The following MAGI2 variants were observed in gnomAD, a reference collection of about 807,000 sequenced individuals.
MAGI2 encodes membrane-associated guanylate kinase, WW and PDZ domain-containing protein 2.
A neutral mutation model predicts 133.3 loss-of-function variants in MAGI2; 35 were observed. That is an observed-to-expected ratio of 0.26 (90% CI 0.20 to 0.35). The LOEUF (loss-of-function observed/expected upper bound fraction) is 0.35, where lower values mean the gene tolerates loss of function less well. Ranked by LOEUF, MAGI2 falls within the 10% of genes least tolerant of loss-of-function variation. The pLI, the probability that MAGI2 is intolerant of heterozygous loss-of-function variation, is 1.00. For missense variants in MAGI2, 1,636 were observed against 1,863.4 expected (o/e 0.88, Z 2.25); for synonymous variants, 729 against 710.6 (o/e 1.03, Z -0.41).
In MAGI2 at chr7:78,794,430, A is replaced by G. The variant is rs192694361; in HGVS notation, c.419-167191T>C. ...GACTTGTGTGGTTATAAAATTGTCA[A>G]TGGAAATTTTTGAGACAGATAACAT... is the stretch of plus-strand genomic sequence containing the variant. On this transcript the variant is annotated intron_variant, in intron 2 of 21. Coordinates refer to ENST00000354212, the MANE Select transcript of MAGI2 (RefSeq NM_012301.4). Among the ~76,000 whole-genome samples the G allele has an allele frequency of 9.2e-5, 14 of 152,340 alleles. No individual in the cohort carries two copies. The East Asian group carries it at 1.2e-3, about 13-fold the overall frequency.
At chr7:78,145,530 A>G (rs1823216819) in intron 16 of MAGI2, among the ~76,000 whole-genome samples, 1 of 152,070 alleles carries the variant, frequency 6.6e-6, no homozygotes, top group Non-Finnish European at 1.5e-5. Flanking sequence ...TGCTTCTCCT[A>G]TAGGTCATAA....
intron 2 of MAGI2, among the ~76,000 whole-genome samples, chr7:78,736,143 A>G (rs1290554305): frequency 6.6e-6 from 1 of 152,244 alleles, no homozygotes; most frequent in Non-Finnish European, 1.5e-5. Context: ...TATCAAATGT[A>G]CCAATACCTG....
chr7:78,494,111 G>A (rs1793877560), intron 5 of MAGI2, among the ~76,000 whole-genome samples: 1 of 151,872 alleles, frequency 6.6e-6, no homozygotes, highest in African/African-American at 2.4e-5. Context: ...CAAGTAGCTG[G>A]GACTAGACTA....
chr7:78,343,836 C>A lies in MAGI2; in HGVS notation c.1350G>T (p.Leu450=). Residue 450 remains leucine (L), a synonymous_variant, in exon 9 of 22, where the codon CTG becomes CTT. Transcript: ENST00000354212. ...CATCCGGAATCACACTTTTCACCTG[C>A]AGAAACTCATCAGGCTCGTCTCCAC... is the stretch of plus-strand genomic sequence containing the variant. ...IIGGDEPDEF[L]QVKSVIPDGP... is the part of the protein sequence containing the mutation. 1 of 1,612,642 alleles carries A rather than the reference C, an allele frequency of 6.2e-7. No individual in the cohort carries two copies. The highest frequency in any genetic ancestry group is 8.5e-7 in the Non-Finnish European group (1 of 1,179,456).
chr7:78,718,918 C>T (rs562503811), intron 2 of MAGI2, among the ~76,000 whole-genome samples: 70 of 152,192 alleles, frequency 4.6e-4, no homozygotes, highest in African/African-American at 1.6e-3. Flanking sequence ...GTCTGGTAAA[C>T]CCAACCTTTG....
At chr7:78,575,344 TTGAA>T (rs1173764167) in intron 3 of MAGI2, among the ~76,000 whole-genome samples, 2 of 152,128 alleles carry the variant, frequency 1.3e-5, no homozygotes, top group Non-Finnish European at 2.9e-5. Context: ...TAATGATTGA[TTGAA>T]TGAATAAATG....
chr7:78,478,023 A>G (rs1157666049), intron 6 of MAGI2, among the ~76,000 whole-genome samples: 1 of 151,794 alleles, frequency 6.6e-6, no homozygotes, highest in South Asian at 2.1e-4. Flanking sequence ...TGCTGCACCC[A>G]TTAACCCATC....
chr7:78,665,665 A>G (rs1813479671), intron 2 of MAGI2, among the ~76,000 whole-genome samples: 1 of 152,208 alleles, frequency 6.6e-6, no homozygotes, highest in African/African-American at 2.4e-5. Flanking sequence ...TGAGAATTAG[A>G]GTAGCCTTAG....
intron 1 of MAGI2, among the ~76,000 whole-genome samples, chr7:79,213,900 C>T (rs1407251196): frequency 6.6e-6 from 1 of 151,938 alleles, no homozygotes; most frequent in Admixed American, 6.6e-5. Flanking sequence ...TATTTAGCTT[C>T]TTCTAGAACA....
chr7:78,237,947 G>A (rs1242011756), intron 10 of MAGI2, among the ~76,000 whole-genome samples: 1 of 152,066 alleles, frequency 6.6e-6, no homozygotes, highest in Admixed American at 6.6e-5. Flanking sequence ...GAGTGGTCAC[G>A]TTAGCTCAAA....
At chr7:78,800,174 G>A (rs1787946196) in intron 2 of MAGI2, among the ~76,000 whole-genome samples, 1 of 152,020 alleles carries the variant, frequency 6.6e-6, no homozygotes, top group Non-Finnish European at 1.5e-5. Context: ...AGTAATACCA[G>A]GGTTATATAA....
intron 2 of MAGI2, among the ~76,000 whole-genome samples, chr7:78,757,722 C>A (rs1824094603): frequency 6.6e-6 from 1 of 152,104 alleles, no homozygotes; most frequent in African/African-American, 2.4e-5. Context: ...TCTGGTGTGA[C>A]TTCTTGGTCT....
chr7:78,685,259 T>C (rs1816151878), intron 2 of MAGI2, among the ~76,000 whole-genome samples: 1 of 152,332 alleles, frequency 6.6e-6, no homozygotes, highest in African/African-American at 2.4e-5. Flanking sequence ...CCCCAAGAGC[T>C]GTCCTTTTTG....
intron 1 of MAGI2, among the ~76,000 whole-genome samples, chr7:79,143,338 TA>T (rs1167020011): frequency 1.3e-5 from 2 of 152,208 alleles, no homozygotes; most frequent in African/African-American, 4.8e-5. Context: ...AACTTGGCAA[TA>T]CTCTGTTTCA....
chr7:78,868,879 G>C (rs1232017029), intron 2 of MAGI2, among the ~76,000 whole-genome samples: 1 of 152,014 alleles, frequency 6.6e-6, no homozygotes, highest in East Asian at 1.9e-4. Context: ...ACAGCCTCCA[G>C]AGTAGCTAGG....
chr7:79,277,377 T>C (rs899375845), intron 1 of MAGI2, among the ~76,000 whole-genome samples: 8 of 152,174 alleles, frequency 5.3e-5, no homozygotes, highest in Admixed American at 1.3e-4. Flanking sequence ...TAGTAGACTA[T>C]AGTACAATGT....
chr7:78,144,057 A>T (rs1018762128), intron 16 of MAGI2, among the ~76,000 whole-genome samples: 2 of 152,006 alleles, frequency 1.3e-5, no homozygotes, highest in African/African-American at 4.8e-5. Context: ...TAGCAAGCTA[A>T]TTGTTTTCCT....
rs562796231 is a variant in MAGI2 at position 78,623,980 on chromosome 7, C to T, written c.538+3140G>A. ...TATCAATTGTATAAAAGTACAGCAA[C>T]CTCACTAGCATCTGTTGTTTTTTGA... On this transcript the variant is annotated intron_variant, in intron 3 of 21. Coordinates refer to ENST00000354212, the MANE Select transcript of MAGI2 (RefSeq NM_012301.4). Among the ~76,000 whole-genome samples, 216 of 152,174 alleles carry T rather than the reference C, an allele frequency of 1.4e-3. 1 individual carries two copies. Among genetic ancestry groups the T allele is most frequent in the Non-Finnish European group, 2.1e-3 (146 of 67,964 alleles).
intron 5 of MAGI2, among the ~76,000 whole-genome samples, chr7:78,495,625 A>G (rs1295889241): frequency 3.3e-5 from 5 of 152,184 alleles, no homozygotes; most frequent in Non-Finnish European, 7.3e-5. Flanking sequence ...TTCTATCTAT[A>G]CATAGGTAAT....
Sources: allele counts gnomAD v4.1 joint callset (sites outside exome capture counted in the v4.1 genomes callset), GRCh38; gene constraint gnomAD v4.1.1; transcripts MANE v1.5; gene names NCBI Gene and HGNC (gene_info 2026-07-23, HGNC 2026-07-21).